MLLT1: variants seen among roughly 807,000 people sequenced by gnomAD.
MLLT1 encodes protein ENL.
In MLLT1, 11 loss-of-function variants were observed where a neutral mutation model predicts 55.1. The observed-to-expected ratio is 0.20, with a 90% CI of 0.13 to 0.33. The LOEUF (loss-of-function observed/expected upper bound fraction) is 0.33, where lower values mean the gene tolerates loss of function less well. MLLT1 is among the 10% of genes least tolerant of loss of function. The pLI, the probability that MLLT1 is intolerant of heterozygous loss-of-function variation, is 1.00. For missense variants in MLLT1, 536 were observed against 760.6 expected (o/e 0.70, Z 3.47); for synonymous variants, 323 against 320.1 (o/e 1.01, Z -0.10).
chr19:6,238,331 T>C (rs377377651), intron 3 of MLLT1, among the ~76,000 whole-genome samples: 28 of 152,334 alleles, frequency 1.8e-4, no homozygotes, highest in African/African-American at 5.3e-4. Flanking sequence ...CTAGCCAGAA[T>C]GATATTGTGG....
In MLLT1 at chr19:6,222,754, C is replaced by T. The variant is rs1042371596; in HGVS notation, c.547-70G>A. The T allele has an allele frequency of 1.1e-4, 142 of 1,328,856 alleles. No homozygotes were observed. Among genetic ancestry groups the T allele is most frequent in the Non-Finnish European group, 1.3e-4 (124 of 991,500 alleles). The allele number at this position is 1,328,856 out of a possible 1,614,324, so 82.3% of individuals were successfully genotyped here. A position where few individuals can be genotyped will look rare whatever the true frequency, so the allele number is the denominator to read the frequency against. On this transcript the variant is annotated intron_variant, in intron 5 of 11. Coordinates refer to ENST00000252674, the MANE Select transcript of MLLT1 (RefSeq NM_005934.4). The surrounding 1 kb of genome is among the most constrained non-coding windows in gnomAD (Gnocchi z 4.1). Reference sequence around the variant, plus strand: ...CGTGGCATTGCGGGGCGCCCTGCTCCGCCACCCCTGACCCCTACAAAGCAT... The same window carrying T: ...CGTGGCATTGCGGGGCGCCCTGCTCTGCCACCCCTGACCCCTACAAAGCAT...
intron 3 of MLLT1, among the ~76,000 whole-genome samples, chr19:6,234,289 C>A (rs2091039494): frequency 6.6e-6 from 1 of 152,238 alleles, no homozygotes; most frequent in Non-Finnish European, 1.5e-5. Context: ...AGGGCCTTGG[C>A]CGCCCCTGCG....
At chr19:6,272,557 C>T (rs2144964007) in intron 1 of MLLT1, among the ~76,000 whole-genome samples, 1 of 152,348 alleles carries the variant, frequency 6.6e-6, no homozygotes, top group African/African-American at 2.4e-5. Context: ...CTGTGGACAG[C>T]TCCACGGGAG....
intron 6 of MLLT1, 37 bp from the exon 7 acceptor site, chr19:6,218,078 A>T: frequency 6.4e-7 from 1 of 1,571,872 alleles, no homozygotes; most frequent in East Asian, 2.4e-5. Context: ...GAGGGGAGAA[A>T]GGGAGAGCTG....
rs373623171 is a variant in MLLT1, at chr19:6,212,960, C to G, written c.*82G>C. On this transcript the variant is annotated 3_prime_UTR_variant, in exon 12 of 12. Transcript: ENST00000252674. ...TCGCTAAGGCAGTGCTGCGGGCAGG[C>G]GAGACGGGAGAGGAGGGCAGGCGAG... 2.4e-5 allele frequency: 37 copies of G among 1,544,404 alleles called. No homozygotes were observed. The African/African-American group carries it at 4.2e-4, about 18-fold the overall frequency.
chr19:6,232,398 TGGTGG>T (rs1211224481), intron 3 of MLLT1, among the ~76,000 whole-genome samples: 1 of 152,072 alleles, frequency 6.6e-6, no homozygotes, highest in Non-Finnish European at 1.5e-5. Context: ...CGGGGGAGAA[TGGTGG>T]TGGCCCTACT....
chr19:6,247,806 T>C (rs1268492358), intron 3 of MLLT1, among the ~76,000 whole-genome samples: 1 of 152,268 alleles, frequency 6.6e-6, no homozygotes, highest in East Asian at 1.9e-4. Flanking sequence ...CAATTTAAAA[T>C]GCTCCAGTGA....
At chr19:6,266,708 C>G (rs1023737000) in intron 2 of MLLT1, among the ~76,000 whole-genome samples, 7 of 152,168 alleles carry the variant, frequency 4.6e-5, no homozygotes, top group African/African-American at 1.4e-4. Context: ...CCGCCTGCCT[C>G]AGCCTCCCAA....
intron 3 of MLLT1, among the ~76,000 whole-genome samples, chr19:6,254,431 G>A (rs993280862): frequency 6.6e-6 from 1 of 152,212 alleles, no homozygotes; most frequent in African/African-American, 2.4e-5. Context: ...CATAAGGAGG[G>A]GCAACACCCG....
At chr19:6,221,031 G>A (rs1007964598) in intron 6 of MLLT1, among the ~76,000 whole-genome samples, 2 of 152,168 alleles carry the variant, frequency 1.3e-5, no homozygotes, top group Non-Finnish European at 2.9e-5. Flanking sequence ...AGGCTGGACC[G>A]TCACCCCCAG....
chr19:6,228,104 G>C (rs1428710701), intron 4 of MLLT1, among the ~76,000 whole-genome samples: 1 of 152,118 alleles, frequency 6.6e-6, no homozygotes, highest in Non-Finnish European at 1.5e-5. Flanking sequence ...GCTTCTCAGA[G>C]CCTGTCTGAC....
At chr19:6,244,292 A>G (rs1568287069) in intron 3 of MLLT1, among the ~76,000 whole-genome samples, 2 of 152,020 alleles carry the variant, frequency 1.3e-5, no homozygotes, top group African/African-American at 2.4e-5. Context: ...TATCTGACAC[A>G]TGAAGAAATC....
At chr19:6,232,533 T>A (rs1045152284) in intron 3 of MLLT1, among the ~76,000 whole-genome samples, 2 of 152,324 alleles carry the variant, frequency 1.3e-5, no homozygotes, top group African/African-American at 4.8e-5. Context: ...GGCAATTGTT[T>A]CTTATAATAC....
At chr19:6,233,398 T>G (rs569327034) in intron 3 of MLLT1, among the ~76,000 whole-genome samples, 1 of 152,322 alleles carries the variant, frequency 6.6e-6, no homozygotes, top group East Asian at 1.9e-4. Flanking sequence ...TGGCCGACAG[T>G]GACCTTGTGT....
At chr19:6,217,409 C>T (rs1212645596) in intron 7 of MLLT1, among the ~76,000 whole-genome samples, 2 of 152,224 alleles carry the variant, frequency 1.3e-5, no homozygotes, top group Admixed American at 1.3e-4. Context: ...GTCCTGCAGG[C>T]TGCCTGGTCC....
intron 2 of MLLT1, among the ~76,000 whole-genome samples, chr19:6,268,965 A>G (rs2091371444): frequency 6.6e-6 from 1 of 152,238 alleles, no homozygotes; most frequent in Admixed American, 6.5e-5. Flanking sequence ...AACAGCCTCA[A>G]AGTGGATGGA....
At chr19:6,248,398 C>A (rs1041487528) in intron 3 of MLLT1, among the ~76,000 whole-genome samples, 1 of 152,206 alleles carries the variant, frequency 6.6e-6, no homozygotes, top group Non-Finnish European at 1.5e-5. Flanking sequence ...ACTTAGTGAC[C>A]TGCTTCTTCT....
intron 6 of MLLT1, among the ~76,000 whole-genome samples, chr19:6,221,358 G>C (rs2090895185): frequency 6.6e-6 from 1 of 152,200 alleles, no homozygotes; most frequent in Non-Finnish European, 1.5e-5. Context: ...CCCCAAACAG[G>C]GTCTGGCCAC....
intron 2 of MLLT1, among the ~76,000 whole-genome samples, chr19:6,266,638 G>C (rs777995103): frequency 1.9e-4 from 29 of 152,066 alleles, no homozygotes; most frequent in Admixed American, 9.2e-4. Flanking sequence ...TGTAATTTTA[G>C]TAGAGATGGG....
Sources: gnomAD v4.1 joint callset for allele counts (sites outside exome capture counted in the v4.1 genomes callset) on GRCh38, gnomAD v4.1.1 for gene constraint, Gnocchi (gnomAD v3.1) non-coding constraint, MANE v1.5 for transcripts, NCBI Gene and HGNC (gene_info 2026-07-23, HGNC 2026-07-21) for gene names.